PRKG2: variants seen among roughly 807,000 people sequenced by gnomAD.
PRKG2 encodes cGMP-dependent protein kinase 2.
Under a neutral mutation model 97.2 loss-of-function variants are expected in PRKG2, and 33 were observed. The observed-to-expected ratio is 0.34, with a 90% CI of 0.26 to 0.45. The LOEUF is 0.45. Among genes scored for constraint, PRKG2 ranks in the 20% least tolerant of loss-of-function variants. The pLI, the probability that PRKG2 is intolerant of heterozygous loss-of-function variation, is 1.00. For missense variants in PRKG2, 638 were observed against 900.0 expected (o/e 0.71, Z 3.73); for synonymous variants, 330 against 321.8 (o/e 1.03, Z -0.27).
At chr4:81,197,256 T>C (rs1005787031) in intron 2 of PRKG2, among the ~76,000 whole-genome samples, 1 of 152,034 alleles carries the variant, frequency 6.6e-6, no homozygotes, top group South Asian at 2.1e-4. Flanking sequence ...GTGTCCAGAA[T>C]GTTTTTGAGA....
chr4:81,096,386 A>G (rs187418802), intron 17 of PRKG2, among the ~76,000 whole-genome samples: 4 of 152,052 alleles, frequency 2.6e-5, no homozygotes, highest in Non-Finnish European at 5.9e-5. Flanking sequence ...ATGTTAAAAA[A>G]TTATCCAGAC....
chr4:81,141,628 G>T (rs1048885094), intron 11 of PRKG2, among the ~76,000 whole-genome samples: 10 of 152,036 alleles, frequency 6.6e-5, no homozygotes, highest in Admixed American at 6.6e-4. Context: ...TAACTACATT[G>T]TGCAGAAATG....
chr4:81,166,388 C>A (rs1749990412), intron 6 of PRKG2, among the ~76,000 whole-genome samples: 1 of 151,882 alleles, frequency 6.6e-6, no homozygotes. Context: ...TCCTTACCTC[C>A]TTTAAATTCC....
intron 17 of PRKG2, among the ~76,000 whole-genome samples, chr4:81,097,437 A>C (rs1466351180): frequency 2.0e-5 from 3 of 152,174 alleles, no homozygotes; most frequent in South Asian, 2.1e-4. Flanking sequence ...TAGATTTAGC[A>C]TCATTCTTAA....
chr4:81,186,035 C>T (rs567647584), intron 2 of PRKG2, among the ~76,000 whole-genome samples: 3 of 152,234 alleles, frequency 2.0e-5, no homozygotes, highest in South Asian at 4.1e-4. Context: ...GAGACTTCAA[C>T]GCCCCACTGT....
intron 8 of PRKG2, 50 bp from the exon 9 acceptor site, chr4:81,149,002 C>A (rs1168981443): frequency 6.4e-7 from 1 of 1,551,764 alleles, no homozygotes; most frequent in African/African-American, 1.4e-5. Flanking sequence ...AGAAATTAAA[C>A]ATCCACTTTT....
At position 81,215,086 on chromosome 4, in the gene PRKG2, G is replaced by A. The variant is rs1403797950; in HGVS notation, c.-164C>T. ...GCTCAGCCAGCCCCGCCGTGCACACGGTGCGCAGCGTGGGCCCGGGGCTGC... is the reference window on the plus strand; with the variant it reads ...GCTCAGCCAGCCCCGCCGTGCACACAGTGCGCAGCGTGGGCCCGGGGCTGC... On this transcript the variant is annotated 5_prime_UTR_variant, in exon 1 of 19. Transcript: ENST00000264399. 2 of 152,326 alleles carry A rather than the reference G, an allele frequency of 1.3e-5. No homozygotes were observed. Among genetic ancestry groups the A allele is most frequent in the Non-Finnish European group, 2.9e-5 (2 of 68,144 alleles). The allele number at this position is 152,326 out of a possible 1,614,324, so 9.4% of individuals were successfully genotyped here. A position where few individuals can be genotyped will look rare whatever the true frequency, so the allele number is the denominator to read the frequency against.
At chr4:81,162,591 G>A (rs1032871281) in intron 6 of PRKG2, among the ~76,000 whole-genome samples, 1 of 152,142 alleles carries the variant, frequency 6.6e-6, no homozygotes, top group Admixed American at 6.5e-5. Flanking sequence ...ACAAACTTCT[G>A]TTTTATTTAA....
chr4:81,135,131 T>C, intron 14 of PRKG2, 24 bp downstream of exon 14: 1 of 1,592,848 alleles, frequency 6.3e-7, no homozygotes, highest in Non-Finnish European at 8.6e-7. Flanking sequence ...CATATGAGAC[T>C]GTAAGTGAGA....
chr4:81,106,117 G>A lies in PRKG2; in HGVS notation c.1941-182C>T, dbSNP rs73832603. 6.9e-3 allele frequency among the ~76,000 whole-genome samples: 1,041 copies of A among 151,852 alleles called. 18 individuals are homozygous for A. Among genetic ancestry groups the A allele is most frequent in the African/African-American group, 0.024 (996 of 41,370 alleles). ...AATATCATCTCACTAATTTAATATC[G>A]CTTAGCACACAATACACACACACAT... On this transcript the variant is annotated intron_variant, in intron 15 of 18. Coordinates refer to ENST00000264399, the MANE Select transcript of PRKG2 (RefSeq NM_006259.3).
rs140612683 is a variant in PRKG2 at position 81,151,005 on chromosome 4, A to G, written c.1085+955T>C. 9.9e-3 allele frequency among the ~76,000 whole-genome samples: 1,503 copies of G among 152,222 alleles called. 24 individuals carry two copies. The highest frequency in any genetic ancestry group is 0.034 in the African/African-American group (1,408 of 41,552). On this transcript the variant is annotated intron_variant, in intron 8 of 18. Coordinates refer to ENST00000264399, the MANE Select transcript of PRKG2 (RefSeq NM_006259.3). ...ATTTTTTTGGTTTTCTTTAAAAACT[A>G]AGAGATTTGTGATTTTTAAAGACTC...
At chr4:81,196,095 G>T (rs1173632197) in intron 2 of PRKG2, among the ~76,000 whole-genome samples, 1 of 152,180 alleles carries the variant, frequency 6.6e-6, no homozygotes, top group Non-Finnish European at 1.5e-5. Flanking sequence ...CCTGTGAGAG[G>T]GACGCAAGGC....
intron 2 of PRKG2, among the ~76,000 whole-genome samples, chr4:81,179,308 T>C (rs1268341134): frequency 6.6e-6 from 1 of 151,736 alleles, no homozygotes; most frequent in Non-Finnish European, 1.5e-5. Flanking sequence ...AAAAAGCAGC[T>C]AGAAAAAAAA....
intron 2 of PRKG2, among the ~76,000 whole-genome samples, chr4:81,194,569 C>T (rs111227250): frequency 2.6e-5 from 4 of 152,110 alleles, no homozygotes; most frequent in African/African-American, 9.7e-5. Flanking sequence ...ATTCTGTTGG[C>T]TGTTATTTCA....
chr4:81,128,263 G>A (rs1476362780), intron 14 of PRKG2, among the ~76,000 whole-genome samples: 1 of 152,146 alleles, frequency 6.6e-6, no homozygotes, highest in Admixed American at 6.5e-5. Context: ...TCACATCGAT[G>A]TTCATCAGGG....
chr4:81,207,441 G>T (rs965369439), intron 1 of PRKG2, among the ~76,000 whole-genome samples: 1 of 152,146 alleles, frequency 6.6e-6, no homozygotes, highest in African/African-American at 2.4e-5. Flanking sequence ...TGGAAAAATT[G>T]TTTACTAAGA....
At chr4:81,200,036 T>C (rs1464631199) in intron 2 of PRKG2, among the ~76,000 whole-genome samples, 1 of 152,266 alleles carries the variant, frequency 6.6e-6, no homozygotes, top group African/African-American at 2.4e-5. Context: ...CAGATGTCTC[T>C]GATTAATTTG....
chr4:81,204,631 G>A lies in PRKG2; in HGVS notation c.417C>T (p.Pro139=). The change falls in exon 2 of 19, where the codon CCC becomes CCT. Residue 139 remains proline (P), a synonymous_variant. Transcript: ENST00000264399. Reference sequence around the variant, plus strand: ...TTGCTTTCTCAAAGGAAAATTCAGGGGGTTTGTTCAGGTCATAGGTCCGGG... The same window carrying A: ...TTGCTTTCTCAAAGGAAAATTCAGGAGGTTTGTTCAGGTCATAGGTCCGGG... ...PTTRTYDLNK[P]PEFSFEKARV... 2 of 1,614,060 alleles carry A rather than the reference G, an allele frequency of 1.2e-6. No individual in the cohort carries two copies. Among genetic ancestry groups the A allele is most frequent in the Non-Finnish European group, 8.5e-7 (1 of 1,180,002 alleles).
intron 2 of PRKG2, among the ~76,000 whole-genome samples, chr4:81,197,008 G>T (rs1753000584): frequency 6.6e-6 from 1 of 152,284 alleles, no homozygotes; most frequent in Admixed American, 6.5e-5. Flanking sequence ...TCCCCTTCTT[G>T]AGAATTGTAT....
Sources: allele counts gnomAD v4.1 joint callset (sites outside exome capture counted in the v4.1 genomes callset), GRCh38; gene constraint gnomAD v4.1.1; transcripts MANE v1.5; gene names NCBI Gene and HGNC (gene_info 2026-07-23, HGNC 2026-07-21).